DNM3: variants seen among roughly 807,000 people sequenced by gnomAD.
DNM3 encodes dynamin 3, also known as dynamin-3.
Under a neutral mutation model 101.6 loss-of-function variants are expected in DNM3, and 47 were observed. That is an observed-to-expected ratio of 0.46 (90% confidence interval 0.37 to 0.59). DNM3 has a LOEUF of 0.59. Ranked by LOEUF, DNM3 falls within the 20% of genes least tolerant of loss-of-function variation. The pLI, the probability that DNM3 is intolerant of heterozygous loss-of-function variation, is 0.00. For synonymous variants in DNM3, 385 were observed against 387.9 expected (o/e 0.99, Z 0.09); for missense variants, 849 against 1,085.7 (o/e 0.78, Z 3.06).
downstream of DNM3, among the ~76,000 whole-genome samples, chr1:172,415,579 C>A (rs923910389): frequency 1.5e-4 from 21 of 136,186 alleles, no homozygotes; most frequent in Non-Finnish European, 3.0e-4. Context: ...GCCCAGGCTG[C>A]AATGCAGTGG....
rs567203207 is a variant in DNM3 at position 171,977,844 on chromosome 1, A to G, written c.236-9812A>G. The stretch of plus-strand genomic sequence containing the variant: ...TTCTTCTTTTGACAATCTCTTCCAC[A>G]CGGTGGCTTCAATTACAACCTGAAC... On this transcript the variant is annotated intron_variant, in intron 2 of 20. Coordinates refer to ENST00000627582, the MANE Select transcript of DNM3 (RefSeq NM_015569.5). Among the ~76,000 whole-genome samples the G allele has an allele frequency of 3.3e-5, 5 of 152,208 alleles. No individual in the cohort carries two copies. In the East Asian group the frequency reaches 9.6e-4, roughly 29 times the overall value.
At chr1:172,258,418 C>T (rs1002821535) in intron 15 of DNM3, among the ~76,000 whole-genome samples, 3 of 151,888 alleles carry the variant, frequency 2.0e-5, no homozygotes, top group South Asian at 2.1e-4. Context: ...ACATCCTCAC[C>T]GCCATCAACA....
At chr1:171,885,778 T>C (rs959579114) in intron 1 of DNM3, among the ~76,000 whole-genome samples, 5 of 152,136 alleles carry the variant, frequency 3.3e-5, no homozygotes, top group Admixed American at 1.3e-4. Flanking sequence ...GCTCCTTTGC[T>C]TTTCTCCTAA....
At chr1:171,918,020 CA>C (rs2039859395) in intron 1 of DNM3, among the ~76,000 whole-genome samples, 2 of 152,272 alleles carry the variant, frequency 1.3e-5, no homozygotes, top group South Asian at 4.1e-4. Context: ...TTGCTGAAGG[CA>C]GGCATAAGTG....
chr1:172,308,078 C>A (rs148547361), intron 15 of DNM3, among the ~76,000 whole-genome samples: 2 of 152,142 alleles, frequency 1.3e-5, no homozygotes, highest in Non-Finnish European at 2.9e-5. Flanking sequence ...GCTGTGGAAA[C>A]TGGATGATTG....
At chr1:172,075,202 T>C (rs1455668498) in intron 11 of DNM3, among the ~76,000 whole-genome samples, 1 of 152,152 alleles carries the variant, frequency 6.6e-6, no homozygotes, top group African/African-American at 2.4e-5. Context: ...TTGTAAATTC[T>C]GGATATTAGC....
At position 172,044,367 on chromosome 1, in the gene DNM3, C is replaced by T. The variant is rs760734822; in HGVS notation, c.1129-18C>T. The T allele has an allele frequency of 4.4e-6, 7 of 1,597,422 alleles. No individual in the cohort carries two copies. In the African/African-American group the frequency reaches 5.4e-5, roughly 12 times the overall value. On this transcript the variant is annotated intron_variant, in intron 8 of 20. Coordinates refer to ENST00000627582, the MANE Select transcript of DNM3 (RefSeq NM_015569.5). Reference sequence around the variant, plus strand: ...AAGGAATTAAGTGTCATAACTATGGCTCATTTTGCATCTGCAGATGGAGTT... The same window carrying T: ...AAGGAATTAAGTGTCATAACTATGGTTCATTTTGCATCTGCAGATGGAGTT...
At chr1:172,330,693 CAA>C (rs1324415055) in intron 17 of DNM3, among the ~76,000 whole-genome samples, 1 of 149,766 alleles carries the variant, frequency 6.7e-6, no homozygotes, top group Admixed American at 6.6e-5. Context: ...TTGAAATACA[CAA>C]AAAAATGAAG....
chr1:172,355,776 G>T (rs983147450), intron 17 of DNM3, among the ~76,000 whole-genome samples: 4 of 152,126 alleles, frequency 2.6e-5, no homozygotes, highest in Admixed American at 2.6e-4. Flanking sequence ...GGACACGAAG[G>T]ACAGGCTGTG....
chr1:172,222,992 T>C (rs2060966193), intron 14 of DNM3, among the ~76,000 whole-genome samples: 1 of 152,148 alleles, frequency 6.6e-6, no homozygotes, highest in South Asian at 2.1e-4. Flanking sequence ...TGTAATGTGA[T>C]GTTTCCATAC....
chr1:172,076,865 G>A (rs1354664967), intron 11 of DNM3, among the ~76,000 whole-genome samples: 1 of 152,114 alleles, frequency 6.6e-6, no homozygotes, highest in Non-Finnish European at 1.5e-5. Context: ...TTTTTCTATT[G>A]TTTGGAATAG....
chr1:171,897,741 A>C (rs1247153053), intron 1 of DNM3, among the ~76,000 whole-genome samples: 1 of 152,248 alleles, frequency 6.6e-6, no homozygotes, highest in Non-Finnish European at 1.5e-5. Flanking sequence ...AAATAATTCT[A>C]TAACAAATTC....
At chr1:171,894,830 A>G (rs1327733392) in intron 1 of DNM3, among the ~76,000 whole-genome samples, 1 of 152,114 alleles carries the variant, frequency 6.6e-6, no homozygotes, top group Non-Finnish European at 1.5e-5. Flanking sequence ...GAGTGAGAAC[A>G]TGCAGTGTTT....
intron 1 of DNM3, among the ~76,000 whole-genome samples, chr1:171,869,643 G>A (rs928593486): frequency 6.6e-6 from 1 of 152,090 alleles, no homozygotes; most frequent in African/African-American, 2.4e-5. Context: ...AAATGGATTC[G>A]TGTCATGAAG....
At chr1:172,193,324 A>T (rs1303644879) in intron 14 of DNM3, among the ~76,000 whole-genome samples, 2 of 151,870 alleles carry the variant, frequency 1.3e-5, no homozygotes, top group African/African-American at 2.4e-5. Flanking sequence ...AAATTATCTT[A>T]TTTTGTTGTG....
intron 15 of DNM3, among the ~76,000 whole-genome samples, chr1:172,256,649 G>T (rs988864632): frequency 2.6e-5 from 4 of 151,626 alleles, no homozygotes; most frequent in African/African-American, 9.7e-5. Flanking sequence ...AACATCTATT[G>T]TGTATATTTT....
intron 4 of DNM3, among the ~76,000 whole-genome samples, chr1:172,013,024 C>G (rs978996729): frequency 6.6e-5 from 10 of 151,848 alleles, no homozygotes; most frequent in African/African-American, 1.7e-4. Context: ...CCCATCAAAA[C>G]CCAAAACAAA....
At chr1:172,235,441 A>T (rs1299513089) in intron 14 of DNM3, among the ~76,000 whole-genome samples, 1 of 152,190 alleles carries the variant, frequency 6.6e-6, no homozygotes, top group Admixed American at 6.5e-5. Flanking sequence ...CAGTGTGGCG[A>T]TTCCTCAGGA....
At chr1:172,164,987 G>A (rs2058696266) in intron 14 of DNM3, among the ~76,000 whole-genome samples, 1 of 152,030 alleles carries the variant, frequency 6.6e-6, no homozygotes, top group Admixed American at 6.6e-5. Flanking sequence ...TTTGTCCTGA[G>A]GCTGAGTACT....
Sources: gnomAD v4.1 joint callset for allele counts (sites outside exome capture counted in the v4.1 genomes callset) on GRCh38, gnomAD v4.1.1 for gene constraint, MANE v1.5 for transcripts, NCBI Gene and HGNC (gene_info 2026-07-23, HGNC 2026-07-21) for gene names.